Variants in NCOR2 observed in about 807,000 individuals in gnomAD.
NCOR2 encodes the protein CTG repeat protein 26.
In NCOR2, 81 loss-of-function variants were observed where a neutral mutation model predicts 262.9. The ratio of observed to expected loss-of-function variants is 0.31; its 90% CI spans 0.26 to 0.37. The LOEUF (loss-of-function observed/expected upper bound fraction) is 0.37, where lower values mean the gene tolerates loss of function less well. NCOR2 is among the 10% of genes least tolerant of loss of function. NCOR2 has a pLI of 1.00. For missense variants in NCOR2, 3,385 were observed against 3,621.4 expected, an observed-to-expected ratio of 0.93 and a Z score of 1.68; for synonymous variants, 1,659 against 1,559.3, an observed-to-expected ratio of 1.06 and a Z score of -1.51.
chr12:124,327,272 G>C (rs1001782052), intron 45 of NCOR2, 137 bp downstream of exon 47: 1 of 719,218 alleles, frequency 1.4e-6, no homozygotes, highest in Non-Finnish European at 2.3e-6. Flanking sequence ...ACTCCAGAAC[G>C]AGGTCAAACA....
rs2044143567 is a variant in NCOR2, at chr12:124,433,867, C to CAA, written c.883-3081_883-3080insTT. Among the ~76,000 whole-genome samples, 5 of 40,472 alleles carry CAA rather than the reference C, an allele frequency of 1.2e-4. 1 individual carries two copies. Among genetic ancestry groups the CAA allele is most frequent in the South Asian group, 1.8e-3 (2 of 1,124 alleles). The allele number at this position is 40,472 out of a possible 152,430, so 26.6% of individuals were successfully genotyped here. On this transcript the variant is annotated intron_variant, in intron 8 of 46. Transcript: ENST00000405201. Reference sequence around the variant, plus strand: ...TCTTACACACACACACACACACACACACACACACACACACACACACACACA... The same window carrying CAA: ...TCTTACACACACACACACACACACACAAACACACACACACACACACACACACA...
intron 1 of NCOR2, among the ~76,000 whole-genome samples, chr12:124,505,732 G>T (rs1354656777): frequency 6.6e-6 from 1 of 152,164 alleles, no homozygotes; most frequent in Admixed American, 6.5e-5. Context: ...CAGAAGGAGA[G>T]CGTGGCTGTT....
chr12:124,534,456 G>GAA lies in NCOR2; in HGVS notation c.-118+1107_-118+1108dup, dbSNP rs11405381. 7.8e-3 allele frequency among the ~76,000 whole-genome samples: 1,137 copies of GAA among 145,166 alleles called. 14 individuals are homozygous for GAA. The highest frequency in any genetic ancestry group is 0.025 in the African/African-American group (991 of 39,224). On this transcript the variant is annotated intron_variant, in intron 1 of 46. Coordinates refer to the NCOR2 transcript ENST00000404621. ...GGGCAACCAAGCAAGACTCTGTCTC[G>GAA]AAAAAAAAAAAAATGTGGTATTATA... is the stretch of plus-strand genomic sequence containing the variant.
exon 28 of NCOR2, chr12:124,350,659 C>T (rs202002288): frequency 1.0e-4 from 165 of 1,613,750 alleles, no homozygotes; most frequent in East Asian, 4.2e-4. Context: ...TCCTCCCGGC[C>T]GCGGTCCAAG....
intron 1 of NCOR2, among the ~76,000 whole-genome samples, chr12:124,532,687 C>T (rs1418521676): frequency 3.3e-5 from 5 of 152,312 alleles, no homozygotes; most frequent in Admixed American, 1.3e-4. Flanking sequence ...AGGAGGAAGG[C>T]TCCCCATTAG....
chr12:124,444,592 G>A (rs2045028821), intron 7 of NCOR2, among the ~76,000 whole-genome samples: 1 of 152,144 alleles, frequency 6.6e-6, no homozygotes, highest in Non-Finnish European at 1.5e-5. Flanking sequence ...AAAATGAGCA[G>A]AGCCCTGGGT....
Position 124,389,267 on chromosome 12 carries a change from C to T in NCOR2, c.1877-3380G>A, listed in dbSNP as rs1403618323. ...CCCAGCAGGGCAGCCGTGTCCCCCGCAGCCGGGCTCAGCTCTGATCTTCTT... is the reference window on the plus strand; with the variant it reads ...CCCAGCAGGGCAGCCGTGTCCCCCGTAGCCGGGCTCAGCTCTGATCTTCTT... On this transcript the variant is annotated intron_variant, in intron 16 of 46. Transcript: ENST00000405201. The surrounding 1 kb of genome is among the most constrained non-coding windows in gnomAD (Gnocchi z 4.4). 6.6e-6 allele frequency among the ~76,000 whole-genome samples: 1 copy of T among 152,206 alleles called. No individual in the cohort carries two copies. Among genetic ancestry groups the T allele is most frequent in the East Asian group, 1.9e-4 (1 of 5,166 alleles).
exon 36 of NCOR2, chr12:124,340,370 CCGCTCTCGATCCCGGTCT>C (rs770660286): frequency 1.4e-5 from 23 of 1,612,954 alleles, no homozygotes; most frequent in South Asian, 2.2e-5. Flanking sequence ...GATCCCGGTC[CCGCTCTCGATCCCGGTCT>C]CGCTCCCGCT....
intron 19 of NCOR2, among the ~76,000 whole-genome samples, chr12:124,373,346 CCGGGCACAG>C (rs2039673579): frequency 1.6e-5 from 1 of 61,014 alleles, no homozygotes; most frequent in African/African-American, 4.2e-5. Context: ...TGCAGGGGCC[CCGGGCACAG>C]TGGACAATCA....
intron 2 of NCOR2, among the ~76,000 whole-genome samples, chr12:124,484,469 T>C (rs914856187): frequency 6.6e-6 from 1 of 152,146 alleles, no homozygotes; most frequent in African/African-American, 2.4e-5. Context: ...CCTCTGAGGC[T>C]CCAACCATCA....
intron 9 of NCOR2, 26 bp downstream of exon 11, chr12:124,430,589 G>A (rs757385676): frequency 6.3e-7 from 1 of 1,585,920 alleles, no homozygotes; most frequent in South Asian, 1.1e-5. Flanking sequence ...CTGACGTCGG[G>A]GGCCCTGGGC....
At chr12:124,336,614 G>A (rs2035930163) in intron 38 of NCOR2, 139 bp downstream of exon 40, 2 of 1,474,470 alleles carry the variant, frequency 1.4e-6, no homozygotes, top group Non-Finnish European at 1.8e-6. Context: ...CACGAGACGG[G>A]GTGGGTGCGG....
At chr12:124,497,618 T>C (rs1367252476), upstream of NCOR2, among the ~76,000 whole-genome samples, 2 of 152,202 alleles carry the variant, frequency 1.3e-5, no homozygotes, top group Admixed American at 1.3e-4. This position sits in a 1 kb window ranked among gnomAD's most constrained non-coding sequence, Gnocchi z 4.2. Flanking sequence ...GGCATCGGAA[T>C]CACAAACGCA....
intron 1 of NCOR2, among the ~76,000 whole-genome samples, chr12:124,515,564 TGA>T (rs1372888068): frequency 7.2e-5 from 11 of 152,022 alleles, no homozygotes; most frequent in Admixed American, 2.6e-4. Flanking sequence ...CTCACTTGTG[TGA>T]GTGTGTGTGT....
At chr12:124,449,767 C>T (rs763513808) in intron 7 of NCOR2, 48 bp downstream of exon 9, 11 of 1,603,108 alleles carry the variant, frequency 6.9e-6, no homozygotes, top group African/African-American at 4.0e-5. Flanking sequence ...AGAGCCTGCT[C>T]GCCCACCCTG....
chr12:124,432,084 G>C lies in NCOR2; in HGVS notation c.883-1297C>G, dbSNP rs1255990196. Among the ~76,000 whole-genome samples, 3 of 151,500 alleles carry C rather than the reference G, an allele frequency of 2.0e-5. No homozygotes were observed. Among genetic ancestry groups the C allele is most frequent in the Non-Finnish European group, 4.4e-5 (3 of 67,868 alleles). On this transcript the variant is annotated intron_variant, in intron 8 of 46. Transcript: ENST00000405201. This position sits in a 1 kb window ranked among gnomAD's most constrained non-coding sequence, Gnocchi z 5.1. The stretch of plus-strand genomic sequence containing the variant: ...ACACAGGCGGTCACACAGGCAGGCA[G>C]ACACACACACACGGTCATCCAGGCA...
chr12:124,484,197 G>A (rs778663733), intron 2 of NCOR2, among the ~76,000 whole-genome samples: 7 of 152,196 alleles, frequency 4.6e-5, no homozygotes, highest in Non-Finnish European at 7.4e-5. Context: ...AACGCTGTGA[G>A]CCTAACACAG....
In NCOR2 at chr12:124,344,581, T is replaced by C. The variant is rs1325108289; in HGVS notation, c.4714+16A>G. 3 of 1,442,790 alleles carry C rather than the reference T, an allele frequency of 2.1e-6. No individual in the cohort carries two copies. The highest frequency in any genetic ancestry group is 2.5e-5 in the East Asian group (1 of 39,658). 89.4% of individuals were successfully genotyped at this position (1,442,790 alleles called of 1,614,324 possible). A position where few individuals can be genotyped will look rare whatever the true frequency, so the allele number is the denominator to read the frequency against. On this transcript the variant is annotated intron_variant, in intron 32 of 46. Coordinates refer to ENST00000405201, the Ensembl canonical transcript of NCOR2. ...CAGGCGCCCACCCCACTCACGCCCA[T>C]GCACACCCCACTCACCCTCCTGCAG...
intron 14 of NCOR2, among the ~76,000 whole-genome samples, chr12:124,401,125 C>G (rs1436240539): frequency 6.6e-6 from 1 of 151,598 alleles, no homozygotes; most frequent in Non-Finnish European, 1.5e-5. Flanking sequence ...GTAGGGGGAT[C>G]TCTTGAGCCT....
Sources: allele counts gnomAD v4.1 joint callset (sites outside exome capture counted in the v4.1 genomes callset), GRCh38; gene constraint gnomAD v4.1.1; non-coding constraint Gnocchi (gnomAD v3.1); transcripts MANE v1.5; gene names NCBI Gene and HGNC (gene_info 2026-07-23, HGNC 2026-07-21).